Variants in WRNIP1 observed in about 807,000 individuals in gnomAD.
WRNIP1 encodes the protein WRN helicase interacting protein 1, also known as ATPase WRNIP1.
In WRNIP1, 41 loss-of-function variants were observed where a neutral mutation model predicts 56.1. That is an observed-to-expected ratio of 0.73 (90% CI 0.57 to 0.95). The LOEUF is 0.95. Among genes scored for constraint, WRNIP1 ranks in the 40% least tolerant of loss-of-function variants. The pLI, the probability that WRNIP1 is intolerant of heterozygous loss-of-function variation, is 0.00. For missense variants in WRNIP1, 1,170 were observed against 939.4 expected (o/e 1.25, Z -3.21); for synonymous variants, 547 against 398.1 (o/e 1.37, Z -4.45).
intron 3 of WRNIP1, chr6:2,773,139 C>T: frequency 1.0e-6 from 1 of 985,388 alleles, no homozygotes; most frequent in Non-Finnish European, 1.2e-6. Context: ...ACAGTATACT[C>T]ATGTAAGTGA....
Position 2,768,895 on chromosome 6 carries a change from C to T in WRNIP1, c.1014+13C>T, listed in dbSNP as rs189511243. 2.1e-4 allele frequency: 332 copies of T among 1,596,102 alleles called. 2 individuals carry two copies. The African/African-American group carries it at 3.6e-3, about 17-fold the overall frequency. ...TAAATCTCAGCAGGTATATTAACTT[C>T]CTTCTACCTTTTGGTCGTTGTGAAC... On this transcript the variant is annotated intron_variant, in intron 2 of 6. Coordinates refer to ENST00000380773, the MANE Select transcript of WRNIP1 (RefSeq NM_020135.3).
At chr6:2,780,693 T>C (rs376696289) in intron 4 of WRNIP1, among the ~76,000 whole-genome samples, 1 of 152,146 alleles carries the variant, frequency 6.6e-6, no homozygotes, top group African/African-American at 2.4e-5. Context: ...AATGTAGATA[T>C]GAACAAGAAA....
chr6:2,779,823 A>G (rs1349873169), intron 4 of WRNIP1, among the ~76,000 whole-genome samples: 1 of 152,240 alleles, frequency 6.6e-6, no homozygotes, highest in Non-Finnish European at 1.5e-5. Context: ...CATTCACTTG[A>G]CAATGAATAT....
Position 2,785,429 on chromosome 6 carries a change from C to T in WRNIP1, c.*147C>T, listed in dbSNP as rs1765686815. On this transcript the variant is annotated 3_prime_UTR_variant, in exon 7 of 7. Coordinates refer to ENST00000380773, the MANE Select transcript of WRNIP1 (RefSeq NM_020135.3). ...AATTTAAGAGTTCCATAGGTGGAGGCGCAGTTCTTTCGAATAAATGTGTAA... is the reference window on the plus strand; with the variant it reads ...AATTTAAGAGTTCCATAGGTGGAGGTGCAGTTCTTTCGAATAAATGTGTAA... The T allele has an allele frequency of 6.0e-6, 5 of 837,250 alleles. No individual in the cohort carries two copies. The highest frequency in any genetic ancestry group is 3.6e-5 in the South Asian group (2 of 55,888). The allele number at this position is 837,250 out of a possible 1,614,324, so 51.9% of individuals were successfully genotyped here.
intron 3 of WRNIP1, among the ~76,000 whole-genome samples, chr6:2,778,807 T>C (rs1581140609): frequency 6.6e-6 from 1 of 152,240 alleles, no homozygotes; most frequent in Non-Finnish European, 1.5e-5. Context: ...TATTCAGATA[T>C]AATGCTGACT....
chr6:2,766,775 T>A (rs1765023033), intron 1 of WRNIP1, among the ~76,000 whole-genome samples: 1 of 152,106 alleles, frequency 6.6e-6, no homozygotes, highest in Non-Finnish European at 1.5e-5. Flanking sequence ...CCCCAGACTT[T>A]GATTTAGTAA....
At chr6:2,778,978 T>C (rs1282499866) in intron 3 of WRNIP1, among the ~76,000 whole-genome samples, 3 of 152,178 alleles carry the variant, frequency 2.0e-5, no homozygotes, top group Non-Finnish European at 4.4e-5. Context: ...AACAGTGACT[T>C]TCCAGGCCAG....
At chr6:2,777,112 A>G (rs991413607) in intron 3 of WRNIP1, among the ~76,000 whole-genome samples, 2 of 152,206 alleles carry the variant, frequency 1.3e-5, no homozygotes, top group African/African-American at 4.8e-5. Context: ...TCTGCTGGAA[A>G]TATCAAGTAC....
rs149448227 is a variant in WRNIP1, at chr6:2,767,508, T to C, written c.822+1064T>C. ...GGAATGAATTGCCCTTTTTGTGCCTTCTTGTTTGCACTCATGCCTTCCCTT... is the reference window on the plus strand; with the variant it reads ...GGAATGAATTGCCCTTTTTGTGCCTCCTTGTTTGCACTCATGCCTTCCCTT... On this transcript the variant is annotated intron_variant, in intron 1 of 6. Transcript: ENST00000380773. Among the ~76,000 whole-genome samples the C allele has an allele frequency of 5.5e-3, 834 of 152,358 alleles. 9 individuals are homozygous for C. Among genetic ancestry groups the C allele is most frequent in the African/African-American group, 0.018 (767 of 41,584 alleles).
In WRNIP1 at chr6:2,785,078, C is replaced by A; in HGVS notation, c.1794C>A (p.Asn598Lys). Residue 598 changes from asparagine (N) to lysine (K), a missense_variant, in exon 7 of 7, where the codon AAC (asparagine) becomes AAA (lysine). Physicochemically the swap from Asn to Lys is moderately conservative, Grantham distance 94 (BLOSUM62 0). Coordinates refer to ENST00000380773, the MANE Select transcript of WRNIP1 (RefSeq NM_020135.3). ...PKSIEVYSAY[N>K]NVKACLRNHQ... ...CCATTGAGGTGTACAGCGCCTACAA[C>A]AACGTCAAAGCCTGCCTGAGGAACC... The A allele has an allele frequency of 6.2e-7, 1 of 1,614,206 alleles. No homozygotes were observed. The highest frequency in any genetic ancestry group is 8.5e-7 in the Non-Finnish European group (1 of 1,180,036).
intron 3 of WRNIP1, chr6:2,774,187 A>G (rs996635508): frequency 1.0e-6 from 1 of 985,280 alleles, no homozygotes; most frequent in Non-Finnish European, 1.2e-6. Flanking sequence ...GTACATTAAC[A>G]TAGCTGTTTT....
intron 1 of WRNIP1, 122 bp from the exon 2 acceptor site, chr6:2,768,569 G>C (rs1765131746): frequency 1.5e-6 from 1 of 685,804 alleles, no homozygotes; most frequent in African/African-American, 1.8e-5. Context: ...GTGCTGCTCA[G>C]CATTCTTCCG....
Position 2,770,343 on chromosome 6 carries a change from G to GCAGCAA in WRNIP1, c.1244_1249dup (p.Asn415_Ser416dup). 2.5e-6 allele frequency: 4 copies of GCAGCAA among 1,614,170 alleles called. No homozygotes were observed. The South Asian group carries it at 4.4e-5, about 18-fold the overall frequency. Reference sequence around the variant, plus strand: ...CGTCCCACTGACCCTCTGAGCCACAGCAGCAACAGCAGCTCAGAGTAAGTT... The same window carrying GCAGCAA: ...CGTCCCACTGACCCTCTGAGCCACAGCAGCAACAGCAACAGCAGCTCAGAGTAAGTT... On this transcript the variant is annotated inframe_insertion, in exon 3 of 7. Transcript: ENST00000380773.
chr6:2,779,578 C>T, intron 4 of WRNIP1, 86 bp downstream of exon 4: 2 of 1,402,414 alleles, frequency 1.4e-6, no homozygotes, highest in South Asian at 2.6e-5. Flanking sequence ...TGACTGGGTT[C>T]CGGAAGCATT....
At chr6:2,784,858 T>C in intron 6 of WRNIP1, 149 bp from the exon 7 acceptor site, 2 of 968,174 alleles carry the variant, frequency 2.1e-6, no homozygotes, top group Non-Finnish European at 3.1e-6. Context: ...CTGTCGTAGG[T>C]GGTTATCCAG....
At chr6:2,781,047 A>G (rs575623395) in intron 4 of WRNIP1, among the ~76,000 whole-genome samples, 3 of 152,334 alleles carry the variant, frequency 2.0e-5, no homozygotes, top group South Asian at 4.1e-4. Context: ...ACTGGTTCCC[A>G]AGACTGTCCT....
intron 1 of WRNIP1, 31 bp downstream of exon 1, chr6:2,766,475 T>TA (rs1356854356): frequency 1.4e-6 from 2 of 1,470,614 alleles, no homozygotes; most frequent in African/African-American, 2.8e-5. Flanking sequence ...TGGGCTTCCG[T>TA]AGTTATCTCG....
chr6:2,782,538 G>C (rs938364476), intron 4 of WRNIP1, among the ~76,000 whole-genome samples: 10 of 152,204 alleles, frequency 6.6e-5, no homozygotes, highest in Admixed American at 2.0e-4. Context: ...CACAGACCAG[G>C]TGCTCCTCTG....
chr6:2,785,120 C>T lies in WRNIP1; in HGVS notation c.1836C>T (p.Pro612=), dbSNP rs748030983. 1 of 1,614,202 alleles carries T rather than the reference C, an allele frequency of 6.2e-7. No homozygotes were observed. Among genetic ancestry groups the T allele is most frequent in the Non-Finnish European group, 8.5e-7 (1 of 1,180,032 alleles). The change falls in exon 7 of 7, where the codon CCC becomes CCT. Residue 612 remains proline (P), a synonymous_variant. Transcript: ENST00000380773. The stretch of plus-strand genomic sequence containing the variant: ...TGAGGAACCACCAGGGGCCACTGCC[C>T]CCCGTGCCCCTGCACCTGAGGAACG... ...ACLRNHQGPL[P]PVPLHLRNAP... is the part of the protein sequence containing the mutation.
Sources: allele counts gnomAD v4.1 joint callset (sites outside exome capture counted in the v4.1 genomes callset), GRCh38; gene constraint gnomAD v4.1.1; transcripts MANE v1.5; gene names NCBI Gene and HGNC (gene_info 2026-07-23, HGNC 2026-07-21).